The following CNGB1 variants were observed in gnomAD, a reference collection of about 807,000 sequenced individuals.
CNGB1 encodes the protein cyclic nucleotide-gated channel beta-1.
A neutral mutation model predicts 151.7 loss-of-function variants in CNGB1; 126 were observed. That is an observed-to-expected ratio of 0.83 (90% CI 0.72 to 0.96). The LOEUF is 0.96. Ranked by LOEUF, CNGB1 falls within the 40% of genes least tolerant of loss-of-function variation. The pLI, the probability that CNGB1 is intolerant of heterozygous loss-of-function variation, is 0.00. For synonymous variants in CNGB1, 623 were observed against 635.1 expected (o/e 0.98, Z 0.29); for missense variants, 1,698 against 1,627.0 (o/e 1.04, Z -0.75).
At chr16:57,958,849 A>G (rs414650) in intron 10 of CNGB1, among the ~76,000 whole-genome samples, 101,450 of 150,150 alleles carry the variant, frequency 0.68, 36,532 homozygotes, top group East Asian at 0.84. Context: ...GCCCAGGCTG[A>G]TGTGATCATA....
intron 24 of CNGB1, 75 bp downstream of exon 24, chr16:57,912,851 TTGTG>T (rs1226558740): frequency 1.4e-6 from 2 of 1,382,732 alleles, no homozygotes; most frequent in Non-Finnish European, 2.1e-6. Context: ...GTCATCTGTG[TTGTG>T]TGTGTATTGC....
rs59948135 is a variant in CNGB1 at position 57,895,551 on chromosome 16, TTA to T, written c.3242+1844_3242+1845del. The stretch of plus-strand genomic sequence containing the variant: ...ACATAATATATTATATATGTATTTT[TTA>T]TATATATATATATATTTGTACTTAT... On this transcript the variant is annotated intron_variant, in intron 31 of 32. Transcript: ENST00000251102. Among the ~76,000 whole-genome samples the T allele has an allele frequency of 7.2e-3, 1,057 of 147,380 alleles. 8 individuals carry two copies. Among genetic ancestry groups the T allele is most frequent in the African/African-American group, 0.022 (896 of 40,630 alleles).
chr16:57,938,105 G>C (rs1187711795), intron 16 of CNGB1, among the ~76,000 whole-genome samples: 1 of 152,188 alleles, frequency 6.6e-6, no homozygotes, highest in African/African-American at 2.4e-5. Context: ...GCTGGGTCTA[G>C]GTCCATACTT....
chr16:57,910,038 C>T (rs438722), intron 25 of CNGB1, among the ~76,000 whole-genome samples: 88,276 of 152,142 alleles, frequency 0.58, 26,258 homozygotes, highest in African/African-American at 0.73. Flanking sequence ...GTCACCATCA[C>T]CACCATTGTA....
rs182967658 is a variant in CNGB1, at chr16:57,960,148, G to C, written c.584-83C>G. 1.4e-3 allele frequency: 2,184 copies of C among 1,524,212 alleles called. 29 individuals are homozygous for C. The South Asian group carries it at 0.017, about 12-fold the overall frequency. The allele number at this position is 1,524,212 out of a possible 1,614,324, so 94.4% of individuals were successfully genotyped here. ...CCCTCAAGGGCACGGGGCCAGATTC[G>C]AGTCGCTAACAGGACTGAATGGGGA... is the stretch of plus-strand genomic sequence containing the variant. On this transcript the variant is annotated intron_variant, in intron 9 of 32. Coordinates refer to ENST00000251102, the MANE Select transcript of CNGB1 (RefSeq NM_001297.5).
At chr16:57,920,303 C>T in intron 19 of CNGB1, 84 bp downstream of exon 19, 1 of 1,505,438 alleles carries the variant, frequency 6.6e-7, no homozygotes, top group Non-Finnish European at 9.2e-7. Context: ...TTCCTTGGGG[C>T]CACCCTTGCC....
At chr16:57,948,434 C>T (rs536694340) in intron 14 of CNGB1, among the ~76,000 whole-genome samples, 40 of 151,828 alleles carry the variant, frequency 2.6e-4, no homozygotes, top group South Asian at 4.2e-4. Context: ...GGATTACAGG[C>T]GTGAGCCACC....
intron 26 of CNGB1, among the ~76,000 whole-genome samples, chr16:57,904,364 G>GC (rs1960480778): frequency 1.3e-5 from 2 of 152,148 alleles, no homozygotes; most frequent in African/African-American, 2.4e-5. Context: ...TCGGGGCGGG[G>GC]CCCTTCAAAT....
intron 27 of CNGB1, among the ~76,000 whole-genome samples, chr16:57,903,276 G>T (rs1187436077): frequency 6.7e-6 from 1 of 149,904 alleles, no homozygotes; most frequent in Non-Finnish European, 1.5e-5. Flanking sequence ...CTAATCACCT[G>T]AGGTCAGGAG....
In CNGB1 at chr16:57,941,274, C is replaced by T. The variant is rs116391322; in HGVS notation, c.1122-953G>A. Among the ~76,000 whole-genome samples the T allele has an allele frequency of 2.4e-3, 371 of 152,310 alleles. 1 individual carries two copies. Among genetic ancestry groups the T allele is most frequent in the African/African-American group, 8.4e-3 (350 of 41,568 alleles). On this transcript the variant is annotated intron_variant, in intron 14 of 32. Coordinates refer to ENST00000251102, the MANE Select transcript of CNGB1 (RefSeq NM_001297.5). ...GTTCCTGCTTCCTAACACCCCCTCCCCACCCCTCAGACTCCTGTCATCCAG... is the reference window on the plus strand; with the variant it reads ...GTTCCTGCTTCCTAACACCCCCTCCTCACCCCTCAGACTCCTGTCATCCAG...
At chr16:57,952,661 G>A (rs1313165414) in intron 12 of CNGB1, among the ~76,000 whole-genome samples, 2 of 151,436 alleles carry the variant, frequency 1.3e-5, no homozygotes, top group Non-Finnish European at 2.9e-5. Flanking sequence ...CCACCACACC[G>A]GGTTAATGTT....
intron 12 of CNGB1, among the ~76,000 whole-genome samples, chr16:57,953,071 C>A (rs1205713181): frequency 6.6e-6 from 1 of 152,162 alleles, no homozygotes; most frequent in Non-Finnish European, 1.5e-5. Flanking sequence ...GTGGCCCTAC[C>A]CAGGTGCTCA....
At position 57,917,482 on chromosome 16, in the gene CNGB1, G is replaced by C. The variant is rs1312274053; in HGVS notation, c.1958-6C>G. 6.2e-7 allele frequency: 1 copy of C among 1,613,898 alleles called. No homozygotes were observed. ...CCATAGGACATACATCAGGTCTGTG[G>C]GGAAGGTTGACGGGGACGCTAGAGC... On this transcript the variant is annotated splice_region_variant and splice_polypyrimidine_tract_variant and intron_variant, in intron 20 of 32. Coordinates refer to ENST00000251102, the MANE Select transcript of CNGB1 (RefSeq NM_001297.5).
At chr16:57,967,881 G>A (rs1033181843) in intron 1 of CNGB1, among the ~76,000 whole-genome samples, 2 of 152,078 alleles carry the variant, frequency 1.3e-5, no homozygotes, top group Admixed American at 6.5e-5. Flanking sequence ...TTGCAACAAT[G>A]TTATAGCAAA....
chr16:57,911,814 A>C lies in CNGB1; in HGVS notation c.2431T>G (p.Trp811Gly). 6.2e-7 allele frequency: 1 copy of C among 1,614,116 alleles called. No homozygotes were observed. Among genetic ancestry groups the C allele is most frequent in the Non-Finnish European group, 8.5e-7 (1 of 1,179,974 alleles). ...CCGAGGCCCTGATAGGCCGATGCCC[A>C]GTAATAAAGACAGGAATTCAAATGC... ...SLHLNSCLYY[W>G]ASAYQGLGST... Residue 811 changes from tryptophan (W) to glycine (G), a missense_variant, in exon 25 of 33, where the codon TGG (tryptophan) becomes GGG (glycine). Coordinates refer to ENST00000251102, the MANE Select transcript of CNGB1 (RefSeq NM_001297.5).
intron 32 of CNGB1, among the ~76,000 whole-genome samples, chr16:57,884,925 G>T (rs1205628342): frequency 6.6e-6 from 1 of 152,178 alleles, no homozygotes; most frequent in East Asian, 1.9e-4. Flanking sequence ...AGAGGCTGCT[G>T]GGGCTGGGCC....
intron 17 of CNGB1, among the ~76,000 whole-genome samples, chr16:57,929,893 A>G (rs1961299596): frequency 6.6e-6 from 1 of 152,244 alleles, no homozygotes; most frequent in African/African-American, 2.4e-5. Context: ...ACAATGAGAT[A>G]CCATCTCACA....
rs746170033 is a variant in CNGB1 at position 57,904,688 on chromosome 16, G to C, written c.2634+46C>G. On this transcript the variant is annotated intron_variant, in intron 26 of 32. Coordinates refer to ENST00000251102, the MANE Select transcript of CNGB1 (RefSeq NM_001297.5). ...ACATTTCTGGCAACAGTGGGAGGGG[G>C]CCCTGCAGTCAGGTGGGGTGGGAAG... 3.1e-6 allele frequency: 5 copies of C among 1,612,856 alleles called. No individual in the cohort carries two copies. In the Admixed American group the frequency reaches 8.3e-5, roughly 27 times the overall value.
chr16:57,897,585 C>T (rs377324991), intron 30 of CNGB1, 42 bp from the exon 31 acceptor site: 22 of 1,612,688 alleles, frequency 1.4e-5, no homozygotes, highest in African/African-American at 9.3e-5. Flanking sequence ...CAGAGACTGC[C>T]GTTTCGGTCA....
Sources: gnomAD v4.1 joint callset for allele counts (sites outside exome capture counted in the v4.1 genomes callset) on GRCh38, gnomAD v4.1.1 for gene constraint, MANE v1.5 for transcripts, NCBI Gene and HGNC (gene_info 2026-07-23, HGNC 2026-07-21) for gene names.